The following MCU variants were observed in gnomAD, a reference collection of about 807,000 sequenced individuals.
The protein encoded by MCU is calcium uniporter protein, mitochondrial.
A neutral mutation model predicts 45.2 loss-of-function variants in MCU; 12 were observed. That is an observed-to-expected ratio of 0.27 (90% CI 0.17 to 0.43). MCU has a LOEUF of 0.43. Ranked by LOEUF, MCU falls within the 20% of genes least tolerant of loss-of-function variation. MCU has a pLI of 1.00. For missense variants in MCU, 324 were observed against 436.7 expected (o/e 0.74, Z 2.30); for synonymous variants, 160 against 165.1 (o/e 0.97, Z 0.24).
intron 1 of MCU, among the ~76,000 whole-genome samples, chr10:72,725,463 G>A (rs1463191352): frequency 6.6e-6 from 1 of 152,036 alleles, no homozygotes; most frequent in Admixed American, 6.5e-5. Context: ...TTATGGAGAT[G>A]GAGTCCCACT....
intron 2 of MCU, among the ~76,000 whole-genome samples, chr10:72,849,159 T>C (rs1349541454): frequency 6.6e-6 from 1 of 151,408 alleles, no homozygotes; most frequent in Non-Finnish European, 1.5e-5. Flanking sequence ...CAGGCACCTG[T>C]AATCCCAGCT....
At chr10:72,782,615 G>A (rs112787807) in intron 1 of MCU, among the ~76,000 whole-genome samples, 26 of 152,148 alleles carry the variant, frequency 1.7e-4, no homozygotes, top group East Asian at 3.9e-4. Flanking sequence ...CAGGCTACCC[G>A]CCTTGGCCTC....
chr10:72,710,975 C>T (rs1842885691), intron 1 of MCU, among the ~76,000 whole-genome samples: 1 of 151,914 alleles, frequency 6.6e-6, no homozygotes, highest in Admixed American at 6.6e-5. Flanking sequence ...ATCAGGAGTT[C>T]AAGACCAGCC....
intron 1 of MCU, among the ~76,000 whole-genome samples, chr10:72,808,411 A>G (rs1345209382): frequency 2.6e-5 from 4 of 152,218 alleles, no homozygotes; most frequent in Non-Finnish European, 5.9e-5. Flanking sequence ...TTGACTCAAG[A>G]ATGAAGTTCC....
At position 72,749,699 on chromosome 10, in the gene MCU, G is replaced by C. The variant is rs1270630072; in HGVS notation, c.150+57398G>C. Among the ~76,000 whole-genome samples, 3 of 152,106 alleles carry C rather than the reference G, an allele frequency of 2.0e-5. No individual in the cohort carries two copies. In the East Asian group the frequency reaches 5.8e-4, roughly 29 times the overall value. ...AATATGTTACAGGAGCAGGTGTTAA[G>C]CTGGACTATCCCAGGCAAATTGGGA... On this transcript the variant is annotated intron_variant, in intron 1 of 7. Coordinates refer to ENST00000373053, the MANE Select transcript of MCU (RefSeq NM_138357.3).
At chr10:72,721,849 A>T (rs947848718) in intron 1 of MCU, among the ~76,000 whole-genome samples, 2 of 152,168 alleles carry the variant, frequency 1.3e-5, no homozygotes, top group Admixed American at 6.6e-5. Context: ...TGCTGTTGAG[A>T]CTTAAAAAGA....
At chr10:72,768,180 A>G (rs1440023669) in intron 1 of MCU, among the ~76,000 whole-genome samples, 1 of 152,186 alleles carries the variant, frequency 6.6e-6, no homozygotes, top group African/African-American at 2.4e-5. Flanking sequence ...TTTGCATAAA[A>G]TAAAATTGTC....
At chr10:72,835,216 T>G (rs1844939191) in intron 2 of MCU, among the ~76,000 whole-genome samples, 3 of 152,234 alleles carry the variant, frequency 2.0e-5, no homozygotes, top group Admixed American at 6.5e-5. Context: ...AATGCAATCC[T>G]TCGTAAATGT....
chr10:72,815,051 A>G (rs941686432), intron 1 of MCU, among the ~76,000 whole-genome samples: 1 of 152,256 alleles, frequency 6.6e-6, no homozygotes, highest in Non-Finnish European at 1.5e-5. Context: ...AAGAAAATAC[A>G]GATATAAAAA....
chr10:72,704,462 TA>T (rs1410079790), intron 1 of MCU, among the ~76,000 whole-genome samples: 2 of 152,174 alleles, frequency 1.3e-5, no homozygotes, highest in Non-Finnish European at 2.9e-5. Context: ...ATTTTGTATT[TA>T]AAACTGTACT....
At chr10:72,834,159 T>TA (rs1382410986) in intron 1 of MCU, among the ~76,000 whole-genome samples, 200 bp from the exon 2 acceptor site, 11 of 152,228 alleles carry the variant, frequency 7.2e-5, no homozygotes, top group African/African-American at 2.7e-4. Flanking sequence ...CTTGAAAACA[T>TA]ACCAAAATGT....
intron 1 of MCU, among the ~76,000 whole-genome samples, chr10:72,768,027 A>G (rs1843752323): frequency 6.6e-6 from 1 of 152,148 alleles, no homozygotes; most frequent in South Asian, 2.1e-4. Flanking sequence ...AATGACTTGT[A>G]CTATCTATTA....
At chr10:72,743,412 C>CAAAAAA (rs374429962) in intron 1 of MCU, among the ~76,000 whole-genome samples, 2 of 74,402 alleles carry the variant, frequency 2.7e-5, no homozygotes, top group Non-Finnish European at 4.7e-5. Flanking sequence ...TACTCCATCT[C>CAAAAAA]AAAAAAAAAA....
At chr10:72,859,711 G>T (rs934655421) in intron 3 of MCU, among the ~76,000 whole-genome samples, 15 of 152,220 alleles carry the variant, frequency 9.9e-5, no homozygotes, top group Middle Eastern at 3.4e-3. Flanking sequence ...TCTCTGGAAA[G>T]AAAAGTTTGC....
chr10:72,874,071 C>G (rs1845585478), intron 6 of MCU, among the ~76,000 whole-genome samples: 2 of 152,190 alleles, frequency 1.3e-5, no homozygotes, highest in East Asian at 1.9e-4. Context: ...CAGGATTGCT[C>G]TGGCTGTTCA....
intron 1 of MCU, among the ~76,000 whole-genome samples, chr10:72,722,763 C>G (rs1394072003): frequency 1.3e-5 from 2 of 151,868 alleles, no homozygotes; most frequent in Non-Finnish European, 2.9e-5. Context: ...TTTTATGAGG[C>G]CTTTTGTTAC....
intron 1 of MCU, among the ~76,000 whole-genome samples, chr10:72,723,414 A>C (rs1843051322): frequency 6.6e-6 from 1 of 152,120 alleles, no homozygotes; most frequent in Admixed American, 6.5e-5. Flanking sequence ...TTATCATAGA[A>C]ATTGAGATGT....
intron 1 of MCU, among the ~76,000 whole-genome samples, chr10:72,751,988 C>T (rs1055344719): frequency 7.2e-5 from 11 of 151,752 alleles, no homozygotes; most frequent in African/African-American, 2.2e-4. Context: ...TACAGGCACC[C>T]GCCACCACGC....
intron 1 of MCU, among the ~76,000 whole-genome samples, chr10:72,745,324 G>C (rs1328226061): frequency 6.6e-6 from 1 of 152,088 alleles, no homozygotes; most frequent in African/African-American, 2.4e-5. Flanking sequence ...TGCTTCCCAG[G>C]TTCAAGCTAT....
Sources: allele counts gnomAD v4.1 joint callset (sites outside exome capture counted in the v4.1 genomes callset), GRCh38; gene constraint gnomAD v4.1.1; transcripts MANE v1.5; gene names NCBI Gene and HGNC (gene_info 2026-07-23, HGNC 2026-07-21).